The following PCDHA9 variants were observed in gnomAD, a reference collection of about 807,000 sequenced individuals.
The protein encoded by PCDHA9 is protocadherin alpha-9.
Under a neutral mutation model 62.0 loss-of-function variants are expected in PCDHA9, and 62 were observed. That is an observed-to-expected ratio of 1.00 (90% CI 0.81 to 1.23). PCDHA9 has a LOEUF of 1.23. Among genes scored for constraint, PCDHA9 ranks in the 50% most tolerant of loss-of-function variants. The pLI is 0.00. For missense variants in PCDHA9, 1,205 were observed against 1,249.8 expected, an observed-to-expected ratio of 0.96 and a Z score of 0.54; for synonymous variants, 557 against 567.6, an observed-to-expected ratio of 0.98 and a Z score of 0.27.
chr5:140,935,379 C>T (rs2090338823), intron 1 of PCDHA9, among the ~76,000 whole-genome samples: 1 of 152,196 alleles, frequency 6.6e-6, no homozygotes, highest in African/African-American at 2.4e-5. Context: ...CAGAATTACT[C>T]ATTTGTTATC....
intron 1 of PCDHA9, chr5:140,967,365 T>G: frequency 6.2e-7 from 1 of 1,607,630 alleles, no homozygotes; most frequent in Non-Finnish European, 8.5e-7. Flanking sequence ...CTTAAGCCCC[T>G]GCAGGAGAAC....
intron 1 of PCDHA9, chr5:140,969,220 G>A (rs2096308533): frequency 6.2e-7 from 1 of 1,614,084 alleles, no homozygotes; most frequent in African/African-American, 1.3e-5. Flanking sequence ...CAGGACCAGG[G>A]CCTTCGGGAG....
In PCDHA9 at chr5:141,011,088, T is replaced by TTCTC. The variant is rs375099849; in HGVS notation, c.*1165_*1168dup. 6.6e-6 allele frequency: 1 copy of TTCTC among 152,032 alleles called. No homozygotes were observed. Among genetic ancestry groups the TTCTC allele is most frequent in the Non-Finnish European group, 1.5e-5 (1 of 67,462 alleles). 9.4% of individuals were successfully genotyped at this position (152,032 alleles called of 1,614,324 possible). A position where few individuals can be genotyped will look rare whatever the true frequency, so the allele number is the denominator to read the frequency against. On this transcript the variant is annotated 3_prime_UTR_variant, in exon 4 of 4. Transcript: ENST00000532602. The stretch of plus-strand genomic sequence containing the variant: ...TATTACTAAATAAAATGATCTCTCT[T>TTCTC]TCTCTCTCTCTCTCTCTTTTCTAAG...
At chr5:140,957,556 A>G (rs1364343526) in intron 1 of PCDHA9, among the ~76,000 whole-genome samples, 1 of 152,150 alleles carries the variant, frequency 6.6e-6, no homozygotes, top group African/African-American at 2.4e-5. Flanking sequence ...TCTCTGTGGA[A>G]AAGGAGGGAC....
chr5:140,927,929 C>G (rs762916391), intron 1 of PCDHA9: 1 of 1,614,208 alleles, frequency 6.2e-7, no homozygotes, highest in Non-Finnish European at 8.5e-7. Flanking sequence ...CTGACTCTTT[C>G]GAACCCAGTA....
Position 141,009,792 on chromosome 5 carries a change from C to G in PCDHA9, c.2708C>G (p.Pro903Arg), listed in dbSNP as rs1359138927. ...SPAIISIRQEPTNSQIDKSDF... is the reference protein window; with the variant it reads ...SPAIISIRQERTNSQIDKSDF... ...GCAATCATCTCCATCCGGCAGGAGC[C>G]TACTAACAGCCAAATTGACAAAAGT... The change falls in exon 4 of 4, where the codon CCT (proline) becomes CGT (arginine). Residue 903 changes from proline (P) to arginine (R), a missense_variant. Physicochemically the swap from Pro to Arg is moderately radical, Grantham distance 103. Coordinates refer to ENST00000532602, the MANE Select transcript of PCDHA9 (RefSeq NM_031857.2). The G allele has an allele frequency of 4.3e-6, 7 of 1,613,950 alleles. 1 individual carries two copies. Among genetic ancestry groups the G allele is most frequent in the Middle Eastern group, 3.3e-4 (2 of 6,084 alleles).
chr5:140,875,378 T>G, intron 1 of PCDHA9: 1 of 1,458,602 alleles, frequency 6.9e-7, no homozygotes, highest in Non-Finnish European at 9.0e-7. Context: ...TTACTAAATA[T>G]GTACTTACAG....
intron 1 of PCDHA9, among the ~76,000 whole-genome samples, chr5:140,974,406 T>C (rs903349256): frequency 3.9e-5 from 6 of 152,226 alleles, no homozygotes; most frequent in Non-Finnish European, 8.8e-5. Flanking sequence ...GTTCTAAAGT[T>C]ATGTTTATTT....
At chr5:140,954,340 G>A (rs2095020682) in intron 1 of PCDHA9, among the ~76,000 whole-genome samples, 1 of 152,176 alleles carries the variant, frequency 6.6e-6, no homozygotes, top group Non-Finnish European at 1.5e-5. Flanking sequence ...TCTGCCTCTA[G>A]ATCTTTGAGG....
At chr5:140,863,858 G>A (rs2048210654) in intron 1 of PCDHA9, 1 of 177,150 alleles carries the variant, frequency 5.6e-6, no homozygotes, top group Non-Finnish European at 1.2e-5. Flanking sequence ...AAAATTAGCT[G>A]GGTGTGGTGG....
rs1377792748 is a variant in PCDHA9 at position 140,968,353 on chromosome 5, C to T, written c.2395-10596C>T. ...ATGTCTCCATTAACAGTGCCAGTGGCAGCCTTTATGCTGTCAACTCCTTTG... is the reference window on the plus strand; with the variant it reads ...ATGTCTCCATTAACAGTGCCAGTGGTAGCCTTTATGCTGTCAACTCCTTTG... On this transcript the variant is annotated intron_variant, in intron 1 of 3. Coordinates refer to ENST00000532602, the MANE Select transcript of PCDHA9 (RefSeq NM_031857.2). 1.9e-6 allele frequency: 3 copies of T among 1,613,988 alleles called. No individual in the cohort carries two copies. In the African/African-American group the frequency reaches 4.0e-5, roughly 22 times the overall value.
chr5:140,927,420 G>A (rs782549245), intron 1 of PCDHA9: 5 of 1,614,108 alleles, frequency 3.1e-6, no homozygotes, highest in Non-Finnish European at 4.2e-6. Flanking sequence ...TGGGATCGCG[G>A]GTTGACGGCA....
intron 3 of PCDHA9, among the ~76,000 whole-genome samples, chr5:140,997,797 C>T (rs2097786104): frequency 6.6e-6 from 1 of 151,944 alleles, no homozygotes; most frequent in Non-Finnish European, 1.5e-5. Context: ...TATAATTTAT[C>T]CAATTTGCTG....
intron 1 of PCDHA9, among the ~76,000 whole-genome samples, chr5:140,947,353 A>G (rs1041468487): frequency 4.6e-5 from 7 of 151,616 alleles, no homozygotes; most frequent in African/African-American, 1.7e-4. Context: ...TCTGGACTCT[A>G]TTTCACTCCT....
chr5:140,980,878 G>A (rs528577692), intron 2 of PCDHA9, among the ~76,000 whole-genome samples: 6 of 152,118 alleles, frequency 3.9e-5, no homozygotes, highest in East Asian at 1.9e-4. Context: ...GGGTGTTCTC[G>A]GTCTTTCCAG....
At chr5:140,863,336 T>A (rs782350790) in intron 1 of PCDHA9, 1 of 1,385,482 alleles carries the variant, frequency 7.2e-7, no homozygotes, top group Admixed American at 1.8e-5. Flanking sequence ...GTGCTCACGT[T>A]GCTGCTGTAC....
intron 1 of PCDHA9, chr5:140,875,529 G>A: frequency 1.2e-6 from 2 of 1,614,112 alleles, no homozygotes; most frequent in South Asian, 1.1e-5. Context: ...TCTCGCTTCT[G>A]CTCCTTGCAG....
At chr5:140,916,463 G>A (rs934007072) in intron 1 of PCDHA9, among the ~76,000 whole-genome samples, 2 of 152,212 alleles carry the variant, frequency 1.3e-5, no homozygotes, top group African/African-American at 2.4e-5. Flanking sequence ...TATCACTGCT[G>A]GTTATTTGGT....
intron 1 of PCDHA9, among the ~76,000 whole-genome samples, chr5:140,956,002 C>T (rs2095246908): frequency 6.6e-6 from 1 of 152,124 alleles, no homozygotes; most frequent in Admixed American, 6.5e-5. Context: ...GATTTTGTAT[C>T]CTGAGACTTT....
Sources: allele counts gnomAD v4.1 joint callset (sites outside exome capture counted in the v4.1 genomes callset), GRCh38; gene constraint gnomAD v4.1.1; transcripts MANE v1.5; gene names NCBI Gene and HGNC (gene_info 2026-07-23, HGNC 2026-07-21).